RBFOX1: variants seen among roughly 807,000 people sequenced by gnomAD.
RBFOX1 encodes RNA binding protein fox-1 homolog 1.
A neutral mutation model predicts 57.7 loss-of-function variants in RBFOX1; 8 were observed. The ratio of observed to expected loss-of-function variants is 0.14; its 90% CI spans 0.08 to 0.25. The LOEUF (loss-of-function observed/expected upper bound fraction) is 0.25. Among genes scored for constraint, RBFOX1 ranks in the 10% least tolerant of loss-of-function variants. RBFOX1 has a pLI of 1.00. For missense variants in RBFOX1, 611 were observed against 548.5 expected, an observed-to-expected ratio of 1.11 and a Z score of -1.14; for synonymous variants, 326 against 222.4, an observed-to-expected ratio of 1.47 and a Z score of -4.15.
chr16:5,307,631 C>T (rs1359204160), intron 1 of RBFOX1, among the ~76,000 whole-genome samples: 1 of 152,160 alleles, frequency 6.6e-6, no homozygotes, highest in Non-Finnish European at 1.5e-5. Context: ...CACATGTGCA[C>T]ATACACACAT....
At chr16:7,247,514 T>A (rs563073575) in intron 4 of RBFOX1, among the ~76,000 whole-genome samples, 3 of 152,296 alleles carry the variant, frequency 2.0e-5, no homozygotes, top group African/African-American at 7.2e-5. Flanking sequence ...ATTACTAATT[T>A]TTCTGTAAGA....
At chr16:7,555,922 C>G (rs2088290049) in intron 5 of RBFOX1, among the ~76,000 whole-genome samples, 2 of 152,202 alleles carry the variant, frequency 1.3e-5, no homozygotes, top group South Asian at 4.1e-4. Context: ...CATCTTCCTC[C>G]TGCTCTCCTA....
chr16:5,513,531 A>G (rs1263050867), intron 2 of RBFOX1, among the ~76,000 whole-genome samples: 3 of 152,214 alleles, frequency 2.0e-5, no homozygotes, highest in Non-Finnish European at 2.9e-5. Context: ...GAGGAAGTCA[A>G]TATGAGCAGC....
chr16:6,019,073 TCACA>T lies in RBFOX1; in HGVS notation c.-1037_-1034del. 7.1e-6 allele frequency: 7 copies of T among 979,406 alleles called. No individual in the cohort carries two copies. Among genetic ancestry groups the T allele is most frequent in the African/African-American group, 1.8e-5 (1 of 56,842 alleles). 60.7% of individuals were successfully genotyped at this position (979,406 alleles called of 1,614,324 possible). A position where few individuals can be genotyped will look rare whatever the true frequency, so the allele number is the denominator to read the frequency against. ...GGGCTGCTCGCTGCTTGTCGCGCGC[TCACA>T]CACACACAGACACACACGCACACAC... is the stretch of plus-strand genomic sequence containing the variant. On this transcript the variant is annotated 5_prime_UTR_variant, in exon 1 of 16. Transcript: ENST00000550418. The surrounding 1 kb of genome is among the most constrained non-coding windows in gnomAD (Gnocchi z 4.2).
intron 4 of RBFOX1, among the ~76,000 whole-genome samples, chr16:5,972,679 C>T (rs1180774795): frequency 6.6e-6 from 1 of 152,160 alleles, no homozygotes; most frequent in Non-Finnish European, 1.5e-5. Flanking sequence ...CATTATTTGA[C>T]CTTACGGTGG....
intron 1 of RBFOX1, among the ~76,000 whole-genome samples, chr16:5,440,089 T>A (rs986263532): frequency 1.3e-5 from 2 of 152,232 alleles, no homozygotes; most frequent in African/African-American, 4.8e-5. Context: ...CCTCCTGAAA[T>A]GAGTGTCATG....
intron 4 of RBFOX1, among the ~76,000 whole-genome samples, chr16:5,875,364 C>T (rs1217498380): frequency 1.3e-5 from 2 of 152,170 alleles, no homozygotes; most frequent in Non-Finnish European, 2.9e-5. Context: ...CTAGGAACAG[C>T]ATGACTGCCA....
intron 1 of RBFOX1, among the ~76,000 whole-genome samples, chr16:5,403,323 C>G (rs571492521): frequency 1.5e-5 from 2 of 137,090 alleles, no homozygotes; most frequent in Admixed American, 1.6e-4. Context: ...GCACTCCAGT[C>G]TGGGAAACAG....
At chr16:6,915,462 A>G (rs550078623) in intron 3 of RBFOX1, among the ~76,000 whole-genome samples, 17 of 152,024 alleles carry the variant, frequency 1.1e-4, no homozygotes, top group Non-Finnish European at 1.5e-4. Context: ...TTCAAAAATT[A>G]TTCCTTAAAC....
At chr16:7,268,297 AG>A (rs748450863) in intron 4 of RBFOX1, among the ~76,000 whole-genome samples, 45 of 152,336 alleles carry the variant, frequency 3.0e-4, no homozygotes, top group Admixed American at 1.4e-3. Flanking sequence ...GGTGCTATTC[AG>A]GGAACGGACA....
chr16:7,600,693 A>G (rs1473720715), intron 9 of RBFOX1, among the ~76,000 whole-genome samples: 1 of 152,222 alleles, frequency 6.6e-6, no homozygotes, highest in African/African-American at 2.4e-5. Context: ...CAATGCCAGC[A>G]TCACCTTCAT....
intron 4 of RBFOX1, among the ~76,000 whole-genome samples, chr16:7,261,952 G>A (rs1376508443): frequency 6.6e-6 from 1 of 152,130 alleles, no homozygotes; most frequent in Non-Finnish European, 1.5e-5. Context: ...GTTAAGGGGT[G>A]GTAGGGTGGC....
intron 4 of RBFOX1, among the ~76,000 whole-genome samples, chr16:7,323,084 G>C (rs1294168389): frequency 6.6e-6 from 1 of 152,100 alleles, no homozygotes; most frequent in South Asian, 2.1e-4. Flanking sequence ...ATTGACTAAG[G>C]GGTGGAGAGT....
At chr16:5,611,363 T>C (rs1366194690) in intron 3 of RBFOX1, 5 of 152,126 alleles carry the variant, frequency 3.3e-5, no homozygotes, top group Admixed American at 2.6e-4. Flanking sequence ...CACATCTAGT[T>C]TGACAGCTCA....
intron 3 of RBFOX1, among the ~76,000 whole-genome samples, chr16:6,800,934 C>T (rs187568156): frequency 3.9e-5 from 6 of 152,094 alleles, no homozygotes; most frequent in African/African-American, 1.4e-4. Flanking sequence ...TCCGTCTTGC[C>T]CCTGTTTGAG....
At chr16:5,480,679 C>G (rs533958211) in intron 2 of RBFOX1, among the ~76,000 whole-genome samples, 1 of 152,214 alleles carries the variant, frequency 6.6e-6, no homozygotes, top group South Asian at 2.1e-4. Flanking sequence ...AATATTTATA[C>G]CAGAGTGGTC....
At chr16:7,054,757 G>A (rs1412413156) in intron 4 of RBFOX1, among the ~76,000 whole-genome samples, 1 of 152,178 alleles carries the variant, frequency 6.6e-6, no homozygotes, top group Non-Finnish European at 1.5e-5. Context: ...CAGTCAAAAT[G>A]CATTTCCAGA....
Position 7,670,188 on chromosome 16 carries a change from C to T in RBFOX1, c.930+5220C>T, listed in dbSNP as rs181787375. 3.4e-3 allele frequency among the ~76,000 whole-genome samples: 512 copies of T among 152,184 alleles called. 3 individuals carry two copies. Among genetic ancestry groups the T allele is most frequent in the Non-Finnish European group, 5.3e-3 (362 of 68,028 alleles). Reference sequence around the variant, plus strand: ...CTGAGACTACATGCATGCACCACGACGCCTGGCTAATTTTTGGATCCTTAG... The same window carrying T: ...CTGAGACTACATGCATGCACCACGATGCCTGGCTAATTTTTGGATCCTTAG... On this transcript the variant is annotated intron_variant, in intron 13 of 15. Coordinates refer to ENST00000550418, the MANE Select transcript of RBFOX1 (RefSeq NM_018723.4).
chr16:6,228,510 A>C (rs2097434006), intron 1 of RBFOX1, among the ~76,000 whole-genome samples: 1 of 152,148 alleles, frequency 6.6e-6, no homozygotes, highest in Non-Finnish European at 1.5e-5. Context: ...TGCCCTTTGC[A>C]ACAATATGGT....
Sources: allele counts gnomAD v4.1 joint callset (sites outside exome capture counted in the v4.1 genomes callset), GRCh38; gene constraint gnomAD v4.1.1; non-coding constraint Gnocchi (gnomAD v3.1); transcripts MANE v1.5; gene names NCBI Gene and HGNC (gene_info 2026-07-23, HGNC 2026-07-21).